NOL3: variants seen among roughly 807,000 people sequenced by gnomAD.
NOL3 encodes the protein nucleolar protein 3.
Under a neutral mutation model 19.2 loss-of-function variants are expected in NOL3, and 18 were observed. That is an observed-to-expected ratio of 0.94 (90% CI 0.65 to 1.39). NOL3 has a LOEUF of 1.39. Among genes scored for constraint, NOL3 ranks in the 40% most tolerant of loss-of-function variants. The pLI, the probability that NOL3 is intolerant of heterozygous loss-of-function variation, is 0.00. For missense variants in NOL3, 290 were observed against 289.5 expected (o/e 1.00, Z -0.01); for synonymous variants, 127 against 137.3 (o/e 0.93, Z 0.52).
Position 67,174,983 on chromosome 16 carries a change from G to T in NOL3, c.619+39G>T, listed in dbSNP as rs1302410387. On this transcript the variant is annotated intron_variant, in intron 3 of 3. Coordinates refer to ENST00000268605, the Ensembl canonical transcript of NOL3. ...CAAACCCTGAGCCGGCTTGGCGGGA[G>T]GGCATGGCCTGGGAAGCGGATGCCG... The T allele has an allele frequency of 1.9e-6, 3 of 1,609,584 alleles. No individual in the cohort carries two copies. The South Asian group carries it at 3.3e-5, about 18-fold the overall frequency.
rs769397035 is a variant in NOL3 at position 67,173,872 on chromosome 16, C to T, written c.-8-290C>T. The T allele has an allele frequency of 6.8e-5, 104 of 1,534,944 alleles. 1 individual carries two copies. In the African/African-American group the frequency reaches 1.3e-3, roughly 19 times the overall value. On this transcript the variant is annotated intron_variant, in intron 1 of 3. Transcript: ENST00000268605. ...GGGGAGGGCATTCAGAGAGTAGATG[C>T]CAGTCCTGGGAAAGGCAGGGGAGGA...
Position 67,174,576 on chromosome 16 carries a change from GCA to G in NOL3, c.296-42_296-41del, listed in dbSNP as rs776222656. ...GCTAGAAGTAGGCGAGTGTGAAACC[GCA>G]CAGGGGTAAATTGAGCCTCAGTCAC... On this transcript the variant is annotated intron_variant, in intron 2 of 3. Coordinates refer to ENST00000268605, the Ensembl canonical transcript of NOL3. 3.3e-5 allele frequency: 50 copies of G among 1,510,638 alleles called. 1 individual carries two copies. 93.6% of individuals were successfully genotyped at this position (1,510,638 alleles called of 1,614,324 possible). A position where few individuals can be genotyped will look rare whatever the true frequency, so the allele number is the denominator to read the frequency against.
chr16:67,173,687 G>C, intron 1 of NOL3: 1 of 606,894 alleles, frequency 1.6e-6, no homozygotes, highest in Non-Finnish European at 2.9e-6. Flanking sequence ...AGACTGGAAA[G>C]GACTTGTCTG....
chr16:67,172,271 T>C (rs2031809793), intron 1 of NOL3, among the ~76,000 whole-genome samples: 1 of 152,156 alleles, frequency 6.6e-6, no homozygotes, highest in Non-Finnish European at 1.5e-5. Context: ...TCTTGCTGGC[T>C]GGGTCAGGCC....
At chr16:67,174,350 C>A in exon 2 of NOL3, 1 of 1,588,386 alleles carries the variant, frequency 6.3e-7, no homozygotes, top group Admixed American at 1.8e-5. Flanking sequence ...GGTGCGCCGC[C>A]TACTGCTGCT....
At chr16:67,173,997 T>G in intron 1 of NOL3, 165 bp from the exon 2 acceptor site, 1 of 1,541,018 alleles carries the variant, frequency 6.5e-7, no homozygotes, top group Non-Finnish European at 8.7e-7. Flanking sequence ...GTTCCCCGTG[T>G]TGGCCTCCAG....
Sources: allele counts gnomAD v4.1 joint callset (sites outside exome capture counted in the v4.1 genomes callset), GRCh38; gene constraint gnomAD v4.1.1; transcripts MANE v1.5; gene names NCBI Gene and HGNC (gene_info 2026-07-23, HGNC 2026-07-21).